CIAO1: variants seen among roughly 807,000 people sequenced by gnomAD.
The protein encoded by CIAO1 is probable cytosolic iron-sulfur protein assembly protein CIAO1.
A neutral mutation model predicts 43.1 loss-of-function variants in CIAO1; 32 were observed. The observed-to-expected ratio is 0.74, with a 90% confidence interval of 0.56 to 1.00. The LOEUF (loss-of-function observed/expected upper bound fraction) is 1.00. CIAO1 is among the 50% of genes least tolerant of loss of function. CIAO1 has a pLI of 0.00. For synonymous variants in CIAO1, 183 were observed against 171.4 expected (o/e 1.07, Z -0.53); for missense variants, 415 against 437.4 (o/e 0.95, Z 0.46).
chr2:96,266,556 C>T (rs547444696), intron 1 of CIAO1, 67 bp downstream of exon 1: 2 of 1,324,218 alleles, frequency 1.5e-6, no homozygotes, highest in African/African-American at 1.5e-5. Context: ...TGCAGGCGCT[C>T]AGCCTGCAGG....
intron 2 of CIAO1, 23 bp downstream of exon 2, chr2:96,267,492 G>A (rs1297504249): frequency 6.2e-7 from 1 of 1,613,122 alleles, no homozygotes; most frequent in East Asian, 2.2e-5. Context: ...GTTGGGACCA[G>A]AATTATTGCC....
At chr2:96,266,528 G>A in intron 1 of CIAO1, 39 bp downstream of exon 1, 1 of 1,388,250 alleles carries the variant, frequency 7.2e-7, no homozygotes. Flanking sequence ...CAGCGCTGAG[G>A]GCTCAGCCTG....
At chr2:96,269,779 C>A (rs1434331716) in intron 6 of CIAO1, among the ~76,000 whole-genome samples, 3 of 152,162 alleles carry the variant, frequency 2.0e-5, no homozygotes, top group African/African-American at 7.2e-5. Flanking sequence ...TCCCAAGTAG[C>A]TGGGATTACA....
chr2:96,270,988 C>G, intron 6 of CIAO1, 123 bp from the exon 7 acceptor site: 1 of 1,230,078 alleles, frequency 8.1e-7, no homozygotes, highest in Non-Finnish European at 1.1e-6. Context: ...GTTAAGGAAA[C>G]ATTTTAATAA....
In CIAO1 at chr2:96,272,811, A is replaced by G. The variant is rs1684579249; in HGVS notation, c.*1460A>G. On this transcript the variant is annotated 3_prime_UTR_variant, in exon 7 of 7. Transcript: ENST00000488633. ...GGCAACAAGAGTGAAACCCTGTCTCAAAAAGAAAAAAAAAGTTGACCTTGA... is the reference window on the plus strand; with the variant it reads ...GGCAACAAGAGTGAAACCCTGTCTCGAAAAGAAAAAAAAAGTTGACCTTGA... The G allele has an allele frequency of 1.3e-5, 2 of 152,158 alleles. No homozygotes were observed. The highest frequency in any genetic ancestry group is 2.9e-5 in the Non-Finnish European group (2 of 68,038). The allele number at this position is 152,158 out of a possible 1,614,324, so 9.4% of individuals were successfully genotyped here.
rs182895469 is a variant in CIAO1, at chr2:96,270,603, A to G, written c.780-508A>G. ...GGCAGGTGGATCACTTGAGGTCTGG[A>G]GTTTGAGACCAGCCTGTCCAATGTG... On this transcript the variant is annotated intron_variant, in intron 6 of 6. Coordinates refer to ENST00000488633, the MANE Select transcript of CIAO1 (RefSeq NM_004804.3). Among the ~76,000 whole-genome samples, 23 of 152,122 alleles carry G rather than the reference A, an allele frequency of 1.5e-4. No homozygotes were observed. The East Asian group carries it at 4.3e-3, about 28-fold the overall frequency.
chr2:96,269,651 G>T lies in CIAO1; in HGVS notation c.779+296G>T, dbSNP rs552780521. 9.9e-5 allele frequency among the ~76,000 whole-genome samples: 15 copies of T among 151,384 alleles called. No individual in the cohort carries two copies. In the South Asian group the frequency reaches 1.7e-3, roughly 17 times the overall value. ...CATTCGTGGCTGAGGGTTTTTTTTTGTTTTTTTGTTTTTTGAGACAGAGTC... is the reference window on the plus strand; with the variant it reads ...CATTCGTGGCTGAGGGTTTTTTTTTTTTTTTTTGTTTTTTGAGACAGAGTC... On this transcript the variant is annotated intron_variant, in intron 6 of 6. Transcript: ENST00000488633.
At chr2:96,266,536 C>G in intron 1 of CIAO1, 47 bp downstream of exon 1, 1 of 1,371,730 alleles carries the variant, frequency 7.3e-7, no homozygotes, top group Non-Finnish European at 9.5e-7. Flanking sequence ...AGGGCTCAGC[C>G]TGCGCGTAGT....
At position 96,267,384 on chromosome 2, in the gene CIAO1, C is replaced by A. The variant is rs1558757943; in HGVS notation, c.203C>A (p.Ala68Asp). ...CACCAGCGCACCGTGCGGAAGGTAG[C>A]CTGGTCCCCCTGCGGTAATTACCTG... ...EGHQRTVRKV[A>D]WSPCGNYLAS... is the part of the protein sequence containing the mutation. Residue 68 changes from alanine to aspartate, a missense_variant, in exon 2 of 7, where the codon GCC (alanine) becomes GAC (aspartate). Physicochemically the swap from Ala to Asp is moderately radical, Grantham distance 126. Coordinates refer to ENST00000488633, the MANE Select transcript of CIAO1 (RefSeq NM_004804.3). 1.2e-6 allele frequency: 2 copies of A among 1,614,060 alleles called. No individual in the cohort carries two copies. The highest frequency in any genetic ancestry group is 1.7e-6 in the Non-Finnish European group (2 of 1,180,028).
intron 5 of CIAO1, chr2:96,268,917 C>T: frequency 1.8e-6 from 1 of 567,596 alleles, no homozygotes; most frequent in Non-Finnish European, 3.1e-6. Context: ...GTAAAGATAA[C>T]AATGGCGGGA....
In CIAO1 at chr2:96,273,711, C is replaced by CAAAG. The variant is rs1470254030; in HGVS notation, c.*2363_*2366dup. ...ATCACTTGTAGTCTTGGTGTGGTATCAAAGAATAGCCACAATTAGCTGAAA... is the reference window on the plus strand; with the variant it reads ...ATCACTTGTAGTCTTGGTGTGGTATCAAAGAAAGAATAGCCACAATTAGCTGAAA... On this transcript the variant is annotated 3_prime_UTR_variant, in exon 7 of 7. Transcript: ENST00000488633. 1.4e-5 allele frequency among the ~76,000 whole-genome samples: 2 copies of CAAAG among 146,950 alleles called. No homozygotes were observed. The highest frequency in any genetic ancestry group is 2.2e-4 in the South Asian group (1 of 4,562).
chr2:96,267,545 C>T (rs537163604), intron 2 of CIAO1, 76 bp downstream of exon 2: 60 of 1,607,314 alleles, frequency 3.7e-5, no homozygotes, highest in Admixed American at 3.5e-4. Flanking sequence ...AGCCAACCTG[C>T]GCCAGTTGGG....
Position 96,268,594 on chromosome 2 carries a change from G to A in CIAO1, c.627G>A (p.Leu209=). 1 of 1,614,210 alleles carries A rather than the reference G, an allele frequency of 6.2e-7. No individual in the cohort carries two copies. The change falls in exon 5 of 7, where the codon CTG becomes CTA. Residue 209 remains leucine (L), a synonymous_variant. Coordinates refer to ENST00000488633, the MANE Select transcript of CIAO1 (RefSeq NM_004804.3). Reference sequence around the variant, plus strand: ...CCTTTGACCCGAGTGGCCAGCGCCTGGCGTCTTGTAGTGATGACCGTACTG... The same window carrying A: ...CCTTTGACCCGAGTGGCCAGCGCCTAGCGTCTTGTAGTGATGACCGTACTG... ...SLAFDPSGQR[L]ASCSDDRTVR...
At position 96,269,282 on chromosome 2, in the gene CIAO1, G is replaced by A. The variant is rs776406200; in HGVS notation, c.706G>A (p.Gly236Ser). The A allele has an allele frequency of 2.5e-5, 40 of 1,614,134 alleles. No homozygotes were observed. The highest frequency in any genetic ancestry group is 1.6e-4 in the South Asian group (15 of 91,082). ...PGNEQGVACS[G>S]SDPSWKCICT... Reference sequence around the variant, plus strand: ...CTGTCTTGCAGGGGTGGCATGCAGCGGCTCTGACCCCAGTTGGAAATGTAT... The same window carrying A: ...CTGTCTTGCAGGGGTGGCATGCAGCAGCTCTGACCCCAGTTGGAAATGTAT... The change falls in exon 6 of 7, where the codon GGC becomes AGC. Residue 236 changes from glycine to serine, a missense_variant. Coordinates refer to ENST00000488633, the MANE Select transcript of CIAO1 (RefSeq NM_004804.3).
At position 96,273,662 on chromosome 2, in the gene CIAO1, CA is replaced by C. The variant is rs57198918; in HGVS notation, c.*2335del. Among the ~76,000 whole-genome samples the C allele has an allele frequency of 0.016, 918 of 56,000 alleles. 4 individuals are homozygous for C. Among genetic ancestry groups the C allele is most frequent in the East Asian group, 0.082 (163 of 1,988 alleles). The allele number at this position is 56,000 out of a possible 152,430, so 36.7% of individuals were successfully genotyped here. ...TGGGTGACAGAGCGAGACTCCATTT[CA>C]AAAAAAAAAAAAAAAAAAAAAAATC... On this transcript the variant is annotated 3_prime_UTR_variant, in exon 7 of 7. Transcript: ENST00000488633.
At chr2:96,268,772 A>C in intron 5 of CIAO1, 114 bp downstream of exon 5, 1 of 1,009,310 alleles carries the variant, frequency 9.9e-7, no homozygotes, top group Non-Finnish European at 1.5e-6. Flanking sequence ...GTGCTACAAG[A>C]GGGCTCTGGA....
chr2:96,267,996 T>C, intron 4 of CIAO1, 72 bp downstream of exon 4: 1 of 1,265,360 alleles, frequency 7.9e-7, no homozygotes. Context: ...TCCTCTGCTT[T>C]TCAGCCTTAA....
rs760831822 is a variant in CIAO1, at chr2:96,271,142, TGTG to T, written c.813_815del (p.Cys271_Gly272delinsTrp). ...GCTGACAGGGGCTCTGGCCACAGCT[TGTG>T]GGGATGACGCGATCCGCGTGTTTCA... On this transcript the variant is annotated inframe_deletion, in exon 7 of 7. Transcript: ENST00000488633. The T allele has an allele frequency of 1.9e-6, 3 of 1,614,048 alleles. No homozygotes were observed. Among genetic ancestry groups the T allele is most frequent in the African/African-American group, 2.7e-5 (2 of 74,932 alleles).
intron 2 of CIAO1, 66 bp from the exon 3 acceptor site, chr2:96,267,559 T>A (rs1684459447): frequency 6.2e-7 from 1 of 1,609,070 alleles, no homozygotes; most frequent in African/African-American, 1.3e-5. Flanking sequence ...AGTTGGGCTG[T>A]ACCCATGGGA....
Sources: allele counts gnomAD v4.1 joint callset (sites outside exome capture counted in the v4.1 genomes callset), GRCh38; gene constraint gnomAD v4.1.1; transcripts MANE v1.5; gene names NCBI Gene and HGNC (gene_info 2026-07-23, HGNC 2026-07-21).